BRCA1: variants seen among roughly 807,000 people sequenced by gnomAD.
BRCA1 encodes breast cancer type 1 susceptibility protein.
Under a neutral mutation model 173.7 loss-of-function variants are expected in BRCA1, and 140 were observed. The ratio of observed to expected loss-of-function variants is 0.81; its 90% CI spans 0.70 to 0.93. BRCA1 has a LOEUF of 0.93. Ranked by LOEUF, BRCA1 falls within the 40% of genes least tolerant of loss-of-function variation. The probability of loss-of-function intolerance (pLI) is 0.00; values close to 1 mark genes in which losing one functional copy is unlikely to be tolerated. For missense variants in BRCA1, 1,983 were observed against 2,172.5 expected (o/e 0.91, Z 1.73); for synonymous variants, 662 against 756.0 (o/e 0.88, Z 2.04).
chr17:43,058,158 C>G (rs2051591945), intron 18 of BRCA1, among the ~76,000 whole-genome samples: 1 of 151,814 alleles, frequency 6.6e-6, no homozygotes, highest in Non-Finnish European at 1.5e-5. Flanking sequence ...AGCTTGAGAC[C>G]AGGAGCTGGA....
At position 43,104,253 on chromosome 17, in the gene BRCA1, T is replaced by C. The variant is rs753342801; in HGVS notation, c.310A>G (p.Ser104Gly). 2 of 1,609,382 alleles carry C rather than the reference T, an allele frequency of 1.2e-6. No homozygotes were observed. The highest frequency in any genetic ancestry group is 1.3e-5 in the African/African-American group (1 of 74,816). Residue 104 changes from serine (S) to glycine (G), a missense_variant, in exon 6 of 23, where the codon AGC becomes GGC. Physicochemically the swap from Ser to Gly is moderately conservative, Grantham distance 56 (BLOSUM62 0). Coordinates refer to ENST00000357654, the MANE Select transcript of BRCA1 (RefSeq NM_007294.4). ...QLDTGLEYAN[S>G]YNFAKKENNS... ...TTTTCCTTTTTTGCAAAATTATAGC[T>C]GTTTGCATCTGTAAAATACAAGGGA...
intron 1 of BRCA1, among the ~76,000 whole-genome samples, chr17:43,149,936 C>T (rs1208984808): frequency 6.6e-6 from 1 of 151,848 alleles, no homozygotes; most frequent in Non-Finnish European, 1.5e-5. Flanking sequence ...TTACAGGAAC[C>T]CACCACCGTG....
chr17:43,079,441 C>T (rs2154108794), intron 12 of BRCA1: 2 of 1,527,368 alleles, frequency 1.3e-6, no homozygotes, highest in Non-Finnish European at 9.0e-7. Context: ...GGAACGGGTA[C>T]TGTTCAAAAA....
intron 7 of BRCA1, among the ~76,000 whole-genome samples, chr17:43,098,461 C>T (rs1234635816): frequency 6.6e-6 from 1 of 151,786 alleles, no homozygotes; most frequent in Non-Finnish European, 1.5e-5. Flanking sequence ...CTGGTTCAAG[C>T]GATTCTCCTG....
At chr17:43,107,852 G>A (rs374857614) in intron 3 of BRCA1, among the ~76,000 whole-genome samples, 5 of 152,084 alleles carry the variant, frequency 3.3e-5, no homozygotes, top group Non-Finnish European at 5.9e-5. Context: ...TAAAAGCAGC[G>A]ATTCACTCAT....
rs878854936 is a variant in BRCA1 at position 43,106,470 on chromosome 17, A to T, written c.198T>A (p.Asn66Lys). 3.1e-6 allele frequency: 5 copies of T among 1,597,900 alleles called. No individual in the cohort carries two copies. The highest frequency in any genetic ancestry group is 4.3e-6 in the Non-Finnish European group (5 of 1,166,702). The stretch of plus-strand genomic sequence containing the variant: ...AAATTATATACCTTTTGGTTATATC[A>T]TTCTTACATAAAGGACACTGTGAAG... ...KGPSQCPLCK[N>K]DITKRSLQES... The change falls in exon 4 of 23, where the codon AAT (asparagine) becomes AAA (lysine). Residue 66 changes from asparagine (N) to lysine (K), a missense_variant. Coordinates refer to ENST00000357654, the MANE Select transcript of BRCA1 (RefSeq NM_007294.4).
intron 11 of BRCA1, among the ~76,000 whole-genome samples, chr17:43,085,435 G>T (rs2053192650): frequency 6.6e-6 from 1 of 151,846 alleles, no homozygotes; most frequent in Non-Finnish European, 1.5e-5. Flanking sequence ...CTATATAATT[G>T]TTAGTCATTA....
intron 19 of BRCA1, among the ~76,000 whole-genome samples, chr17:43,055,271 A>G (rs2051410790): frequency 6.6e-6 from 1 of 152,238 alleles, no homozygotes; most frequent in South Asian, 2.1e-4. Flanking sequence ...TCTCATCTGC[A>G]AAGTTGTTAG....
In BRCA1 at chr17:43,134,175, G is replaced by T. The variant is rs75642298; in HGVS notation, c.-19-10060C>A. Reference sequence around the variant, plus strand: ...TACAAGTCACATGATAATGTAAGGGGTTTTTTTCCCCATCTAGAGCCTGCC... The same window carrying T: ...TACAAGTCACATGATAATGTAAGGGTTTTTTTTCCCCATCTAGAGCCTGCC... On this transcript the variant is annotated intron_variant, in intron 1 of 7. Coordinates refer to the BRCA1 transcript ENST00000634433. Among the ~76,000 whole-genome samples the T allele has an allele frequency of 9.3e-3, 1,415 of 152,202 alleles. 19 individuals carry two copies. The highest frequency in any genetic ancestry group is 0.032 in the African/African-American group (1,312 of 41,508).
chr17:43,129,663 T>C (rs2011530), upstream of BRCA1, among the ~76,000 whole-genome samples: 48,158 of 151,890 alleles, frequency 0.32, 7,975 homozygotes, highest in South Asian at 0.49. Flanking sequence ...TTAGTAGAGA[T>C]GGGGGTTTCA....
chr17:43,060,922 T>C (rs552060143), intron 18 of BRCA1, among the ~76,000 whole-genome samples: 1 of 151,968 alleles, frequency 6.6e-6, no homozygotes, highest in Non-Finnish European at 1.5e-5. Flanking sequence ...GTTCAGGAGT[T>C]TGAGACCAGC....
At chr17:43,047,827 A>G (rs1446993940) in intron 21 of BRCA1, 124 bp from the exon 22 acceptor site, 1 of 978,990 alleles carries the variant, frequency 1.0e-6, no homozygotes, top group Non-Finnish European at 1.6e-6. Flanking sequence ...GCTGGAGTGC[A>G]GTGGTGTGAT....
intron 1 of BRCA1, among the ~76,000 whole-genome samples, chr17:43,155,298 T>C (rs996243169): frequency 4.6e-4 from 70 of 152,114 alleles, no homozygotes; most frequent in Admixed American, 1.1e-3. Flanking sequence ...GCCTCCCGAG[T>C]AGCTGGGACT....
At chr17:43,150,766 AT>A (rs2056155599) in intron 1 of BRCA1, among the ~76,000 whole-genome samples, 1 of 152,086 alleles carries the variant, frequency 6.6e-6, no homozygotes, top group Non-Finnish European at 1.5e-5. Context: ...GGATCTAAAA[AT>A]TTTGCAGCTT....
intron 15 of BRCA1, among the ~76,000 whole-genome samples, chr17:43,070,180 A>C (rs1288760787): frequency 6.6e-6 from 1 of 151,926 alleles, no homozygotes; most frequent in South Asian, 2.1e-4. Context: ...TGATCTGACC[A>C]CCTCAGCCTC....
chr17:43,069,994 T>G (rs2052314181), intron 15 of BRCA1, among the ~76,000 whole-genome samples: 1 of 152,110 alleles, frequency 6.6e-6, no homozygotes. Context: ...AGTGCAATGG[T>G]GCAATCTCGG....
At chr17:43,165,567 AC>A (rs2056261216) in intron 1 of BRCA1, among the ~76,000 whole-genome samples, 1 of 151,950 alleles carries the variant, frequency 6.6e-6, no homozygotes, top group Admixed American at 6.6e-5. Flanking sequence ...TTTTTTTATA[AC>A]ATTTTTCTCT....
intron 8 of BRCA1, among the ~76,000 whole-genome samples, chr17:43,096,462 C>G (rs2054142613): frequency 6.7e-6 from 1 of 149,556 alleles, no homozygotes; most frequent in Non-Finnish European, 1.5e-5. Context: ...GTCCCAGCTA[C>G]TCGTGAGATT....
intron 2 of BRCA1, among the ~76,000 whole-genome samples, chr17:43,123,451 G>C (rs1356159329): frequency 6.9e-6 from 1 of 145,728 alleles, no homozygotes; most frequent in Non-Finnish European, 1.5e-5. Context: ...CCTGGTTCAA[G>C]TGATTCTCCT....
Sources: gnomAD v4.1 joint callset for allele counts (sites outside exome capture counted in the v4.1 genomes callset) on GRCh38, gnomAD v4.1.1 for gene constraint, MANE v1.5 for transcripts, NCBI Gene and HGNC (gene_info 2026-07-23, HGNC 2026-07-21) for gene names.